Variants in HAT1 observed in about 807,000 individuals in gnomAD.
HAT1 encodes histone acetyltransferase type B catalytic subunit.
HAT1 carries 20 observed loss-of-function variants against 56.6 expected under a neutral mutation model. The ratio of observed to expected loss-of-function variants is 0.35; its 90% CI spans 0.25 to 0.51. The LOEUF (loss-of-function observed/expected upper bound fraction) is 0.51, where lower values mean the gene tolerates loss of function less well. Among genes scored for constraint, HAT1 ranks in the 20% least tolerant of loss-of-function variants. The pLI is 0.95. For missense variants in HAT1, 408 were observed against 504.3 expected, an observed-to-expected ratio of 0.81 and a Z score of 1.83; for synonymous variants, 146 against 165.5, an observed-to-expected ratio of 0.88 and a Z score of 0.91.
chr2:171,966,239 G>A, intron 6 of HAT1, 170 bp from the exon 7 acceptor site: 1 of 639,076 alleles, frequency 1.6e-6, no homozygotes, highest in Non-Finnish European at 2.9e-6. Flanking sequence ...CCAAGTTGCT[G>A]CACACCAATT....
intron 2 of HAT1, among the ~76,000 whole-genome samples, chr2:171,944,975 G>A (rs144836493): frequency 0.018 from 2,669 of 152,188 alleles, 45 homozygotes; most frequent in Non-Finnish European, 0.024. Flanking sequence ...AGGTTCAAGC[G>A]ATTCTCATGC....
chr2:171,938,024 T>TTCTCTCTCTC (rs374402453), intron 2 of HAT1, among the ~76,000 whole-genome samples: 3,043 of 104,642 alleles, frequency 0.029, 129 homozygotes, highest in East Asian at 0.047. Context: ...TGTCTACTGA[T>TTCTCTCTCTC]TCTCTCTCTC....
intron 3 of HAT1, among the ~76,000 whole-genome samples, chr2:171,950,089 C>A (rs1687266633): frequency 6.6e-6 from 1 of 152,040 alleles, no homozygotes; most frequent in Non-Finnish European, 1.5e-5. Context: ...TTAAATATTT[C>A]CCTTCATGTC....
Position 171,966,489 on chromosome 2 carries a change from C to A in HAT1, c.692C>A (p.Pro231Gln). The A allele has an allele frequency of 6.3e-7, 1 of 1,577,404 alleles. No individual in the cohort carries two copies. Residue 231 changes from proline to glutamine, a missense_variant, in exon 7 of 11, where the codon CCA becomes CAA. Physicochemically the swap from Pro to Gln is moderately conservative, Grantham distance 76 (BLOSUM62 -1). Transcript: ENST00000264108. ...ACAGTCTATAATTACTATGTGTACC[C>A]AGACAAAACCCGGCCACGTGTAAGG... Reference protein sequence around the residue: ...YMTVYNYYVYPDKTRPRVSQM... With the variant: ...YMTVYNYYVYQDKTRPRVSQM...
At chr2:171,960,537 T>C (rs1687547670) in intron 4 of HAT1, among the ~76,000 whole-genome samples, 1 of 152,194 alleles carries the variant, frequency 6.6e-6, no homozygotes, top group Non-Finnish European at 1.5e-5. Context: ...TTTTTAATCA[T>C]CCATTCTTTT....
At chr2:171,972,910 A>G (rs896509766) in intron 8 of HAT1, among the ~76,000 whole-genome samples, 1 of 151,754 alleles carries the variant, frequency 6.6e-6, no homozygotes, top group Non-Finnish European at 1.5e-5. Flanking sequence ...TCTCTTCTCA[A>G]TGTCTTCTTT....
At chr2:171,943,925 A>T (rs1687091927) in intron 2 of HAT1, among the ~76,000 whole-genome samples, 1 of 152,000 alleles carries the variant, frequency 6.6e-6, no homozygotes, top group African/African-American at 2.4e-5. Context: ...GAAGTGGAGG[A>T]TGGCTTGAGC....
intron 2 of HAT1, among the ~76,000 whole-genome samples, chr2:171,937,155 G>A (rs1181056192): frequency 1.3e-5 from 2 of 151,606 alleles, no homozygotes; most frequent in Admixed American, 1.3e-4. Flanking sequence ...GGGTTTTGCC[G>A]TGTTGCCCAA....
Position 171,966,461 on chromosome 2 carries a change from A to T in HAT1, c.664A>T (p.Met222Leu), listed in dbSNP as rs777295253. 3.1e-6 allele frequency: 5 copies of T among 1,602,790 alleles called. No individual in the cohort carries two copies. Among genetic ancestry groups the T allele is most frequent in the Non-Finnish European group, 3.4e-6 (4 of 1,169,610 alleles). The part of the protein sequence containing the change: ...GATLFATVGY[M>L]TVYNYYVYPD... The stretch of plus-strand genomic sequence containing the variant: ...TACGCTCTTTGCGACCGTAGGCTAC[A>T]TGACAGTCTATAATTACTATGTGTA... The change falls in exon 7 of 11, where the codon ATG becomes TTG. Residue 222 changes from methionine to leucine, a missense_variant. Coordinates refer to ENST00000264108, the MANE Select transcript of HAT1 (RefSeq NM_003642.4).
intron 4 of HAT1, among the ~76,000 whole-genome samples, chr2:171,957,933 C>A (rs1687485835): frequency 6.6e-6 from 1 of 152,136 alleles, no homozygotes; most frequent in Admixed American, 6.5e-5. Context: ...TTACTTCATA[C>A]TGTATGTCAT....
In HAT1 at chr2:171,925,692, A is replaced by G; in HGVS notation, c.112+51A>G. On this transcript the variant is annotated intron_variant, in intron 2 of 10. Transcript: ENST00000264108. ...TTATGTACATACTGTGTGTGTATAT[A>G]TAATCTTTCATTTTAAATTTGAAGT... 6.7e-6 allele frequency: 5 copies of G among 747,994 alleles called. No homozygotes were observed. In the Admixed American group the frequency reaches 1.1e-4, roughly 17 times the overall value. 46.3% of individuals were successfully genotyped at this position (747,994 alleles called of 1,614,324 possible).
intron 2 of HAT1, among the ~76,000 whole-genome samples, chr2:171,926,048 TTCTG>T (rs1472930439): frequency 2.6e-5 from 4 of 152,318 alleles, no homozygotes; most frequent in South Asian, 2.1e-4. Context: ...CAATTTTCTT[TTCTG>T]TCTTTTTTAT....
intron 4 of HAT1, among the ~76,000 whole-genome samples, chr2:171,958,033 TA>T: frequency 6.6e-6 from 1 of 152,340 alleles, no homozygotes; most frequent in East Asian, 1.9e-4. Context: ...CTGTTGACTT[TA>T]CCTCTTTTGC....
chr2:171,963,846 A>G (rs1415064425), intron 4 of HAT1, among the ~76,000 whole-genome samples: 1 of 152,204 alleles, frequency 6.6e-6, no homozygotes, highest in Non-Finnish European at 1.5e-5. Context: ...AAAATAAGCA[A>G]AAACTGTCCT....
At chr2:171,977,229 C>T (rs1317313394) in intron 9 of HAT1, among the ~76,000 whole-genome samples, 1 of 150,854 alleles carries the variant, frequency 6.6e-6, no homozygotes, top group African/African-American at 2.4e-5. Flanking sequence ...GTAATCCCAG[C>T]ACTTTGGGTG....
At chr2:171,933,888 T>TATAG (rs1351609258) in intron 2 of HAT1, among the ~76,000 whole-genome samples, 1 of 152,214 alleles carries the variant, frequency 6.6e-6, no homozygotes, top group African/African-American at 2.4e-5. Context: ...TATGTAGTGT[T>TATAG]CTATAAGTGT....
chr2:171,970,430 T>TAC (rs929600467), intron 8 of HAT1, among the ~76,000 whole-genome samples: 21 of 140,408 alleles, frequency 1.5e-4, no homozygotes, highest in Non-Finnish European at 3.2e-4. Context: ...CACACACACA[T>TAC]ACACACACAC....
At chr2:171,972,832 C>T (rs1687853825) in intron 8 of HAT1, among the ~76,000 whole-genome samples, 1 of 152,214 alleles carries the variant, frequency 6.6e-6, no homozygotes, top group African/African-American at 2.4e-5. Flanking sequence ...CTTTCTCCTG[C>T]TATTTCCAGA....
intron 4 of HAT1, among the ~76,000 whole-genome samples, chr2:171,954,565 A>G (rs1687394605): frequency 6.6e-6 from 1 of 152,196 alleles, no homozygotes; most frequent in African/African-American, 2.4e-5. Context: ...GCATGCCTGT[A>G]ATCCCAGCTA....
Sources: allele counts gnomAD v4.1 joint callset (sites outside exome capture counted in the v4.1 genomes callset), GRCh38; gene constraint gnomAD v4.1.1; transcripts MANE v1.5; gene names NCBI Gene and HGNC (gene_info 2026-07-23, HGNC 2026-07-21).